Variants in CSMD2 observed in about 807,000 individuals in gnomAD.
CSMD2 encodes CUB and sushi domain-containing protein 2.
Under a neutral mutation model 398.5 loss-of-function variants are expected in CSMD2, and 130 were observed. The observed-to-expected ratio is 0.33, with a 90% CI of 0.28 to 0.38. The LOEUF (loss-of-function observed/expected upper bound fraction) is 0.38. CSMD2 is among the 10% of genes least tolerant of loss of function. The pLI, the probability that CSMD2 is intolerant of heterozygous loss-of-function variation, is 1.00. For synonymous variants in CSMD2, 1,828 were observed against 1,908.5 expected (o/e 0.96, Z 1.10); for missense variants, 3,829 against 4,764.9 (o/e 0.80, Z 5.78).
chr1:33,744,792 G>C (rs1647215819), intron 13 of CSMD2, among the ~76,000 whole-genome samples: 1 of 152,000 alleles, frequency 6.6e-6, no homozygotes, highest in Admixed American at 6.6e-5. Flanking sequence ...CATTTCAATA[G>C]AAAAAATAAA....
At chr1:34,129,005 C>A (rs1231341387) in intron 1 of CSMD2, among the ~76,000 whole-genome samples, 1 of 86,174 alleles carries the variant, frequency 1.2e-5, no homozygotes, top group Non-Finnish European at 2.5e-5. Context: ...ACATGTGTAC[C>A]CCCCCCCACA....
chr1:34,089,000 G>C lies in CSMD2; in HGVS notation c.381C>G (p.Pro127=). 6.2e-7 allele frequency: 1 copy of C among 1,613,806 alleles called. No individual in the cohort carries two copies. Among genetic ancestry groups the C allele is most frequent in the South Asian group, 1.1e-5 (1 of 91,070 alleles). The part of the protein sequence containing the change: ...FDVLSVFDGP[P]QPENLRTRLT... The stretch of plus-strand genomic sequence containing the variant: ...ACCTCGTACGCAGATTCTCTGGCTG[G>C]GGTGGACCATCAAACACCGACAGGA... Residue 127 remains proline (P), a synonymous_variant, in exon 2 of 71, where the codon CCC becomes CCG. Transcript: ENST00000373381.
intron 9 of CSMD2, among the ~76,000 whole-genome samples, chr1:33,815,748 T>C (rs1002853316): frequency 2.6e-5 from 4 of 152,248 alleles, no homozygotes; most frequent in Admixed American, 2.0e-4. Flanking sequence ...CAATGCTATA[T>C]ACAAGTATAC....
intron 4 of CSMD2, 35 bp from the exon 5 acceptor site, chr1:33,918,336 G>T: frequency 6.3e-7 from 1 of 1,595,860 alleles, no homozygotes; most frequent in Non-Finnish European, 8.6e-7. Context: ...TACATGAGTA[G>T]TCTGGTTTTC....
chr1:33,930,506 C>T (rs76010456), intron 4 of CSMD2, among the ~76,000 whole-genome samples: 2,283 of 152,302 alleles, frequency 0.015, 56 homozygotes, highest in African/African-American at 0.053. Flanking sequence ...TGGTGACAGC[C>T]TGCCGTGTTT....
chr1:34,089,177 G>A lies in CSMD2; in HGVS notation c.204C>T (p.Phe68=). The A allele has an allele frequency of 6.2e-7, 1 of 1,614,150 alleles. No homozygotes were observed. Among genetic ancestry groups the A allele is most frequent in the Non-Finnish European group, 8.5e-7 (1 of 1,180,002 alleles). ...VSAAAGQNCT[F]QLHGPNGTVE... Reference sequence around the variant, plus strand: ...CTGTCCCATTGGGACCGTGCAGTTGGAACGTGCAGTTCTGGCCTGGGAAAG... The same window carrying A: ...CTGTCCCATTGGGACCGTGCAGTTGAAACGTGCAGTTCTGGCCTGGGAAAG... The change falls in exon 2 of 71, where the codon TTC becomes TTT. Residue 68 remains phenylalanine (F), a synonymous_variant. Coordinates refer to ENST00000373381, the MANE Select transcript of CSMD2 (RefSeq NM_001281956.2).
chr1:34,044,891 T>G (rs984614220), intron 2 of CSMD2, among the ~76,000 whole-genome samples: 1 of 152,100 alleles, frequency 6.6e-6, no homozygotes, highest in Non-Finnish European at 1.5e-5. Context: ...GCTTGGCAAA[T>G]AGTGTTTTGA....
chr1:33,600,841 A>T, intron 44 of CSMD2, 24 bp downstream of exon 44: 1 of 1,613,110 alleles, frequency 6.2e-7, no homozygotes, highest in Non-Finnish European at 8.5e-7. Context: ...GGCCCTTCCC[A>T]CCAGGCCAGG....
At chr1:34,027,704 CTTCA>C (rs1363488134) in intron 3 of CSMD2, among the ~76,000 whole-genome samples, 1 of 152,208 alleles carries the variant, frequency 6.6e-6, no homozygotes, top group Non-Finnish European at 1.5e-5. Context: ...AAAACGTTGG[CTTCA>C]TTAACCAGAT....
At chr1:33,615,844 G>C (rs1641351354) in intron 39 of CSMD2, among the ~76,000 whole-genome samples, 1 of 152,224 alleles carries the variant, frequency 6.6e-6, no homozygotes, top group Non-Finnish European at 1.5e-5. Context: ...CATCGTGCTT[G>C]AGTGTCACTC....
At chr1:33,715,670 C>T (rs753985194) in intron 20 of CSMD2, among the ~76,000 whole-genome samples, 5 of 152,172 alleles carry the variant, frequency 3.3e-5, no homozygotes, top group Non-Finnish European at 4.4e-5. Flanking sequence ...CCATCTGATA[C>T]TCCTGGCCGT....
intron 14 of CSMD2, among the ~76,000 whole-genome samples, chr1:33,742,587 CCCCA>C (rs900326364): frequency 2.8e-5 from 4 of 141,326 alleles, no homozygotes; most frequent in African/African-American, 1.1e-4. Context: ...GCCCCCCCCC[CCCCA>C]ACCCCCTCTG....
intron 24 of CSMD2, among the ~76,000 whole-genome samples, chr1:33,695,450 G>A (rs1369896315): frequency 1.3e-5 from 2 of 152,122 alleles, no homozygotes; most frequent in African/African-American, 4.8e-5. Context: ...CAGGTGAAGA[G>A]GTCTACATTC....
At position 33,636,712 on chromosome 1, in the gene CSMD2, G is replaced by T. The variant is rs1192154442; in HGVS notation, c.4775-158C>A. Among the ~76,000 whole-genome samples the T allele has an allele frequency of 3.3e-5, 5 of 152,102 alleles. No individual in the cohort carries two copies. On this transcript the variant is annotated intron_variant, in intron 29 of 70. Coordinates refer to ENST00000373381, the MANE Select transcript of CSMD2 (RefSeq NM_001281956.2). This position sits in a 1 kb window ranked among gnomAD's most constrained non-coding sequence, Gnocchi z 4.8. ...TCCTATTCCCCTCAGGTCTAGAAACGTCTCTAAATTTGGGTAGAAATTGAA... is the reference window on the plus strand; with the variant it reads ...TCCTATTCCCCTCAGGTCTAGAAACTTCTCTAAATTTGGGTAGAAATTGAA...
At chr1:33,693,654 C>T (rs984123041) in intron 24 of CSMD2, among the ~76,000 whole-genome samples, 4 of 152,150 alleles carry the variant, frequency 2.6e-5, no homozygotes, top group African/African-American at 9.7e-5. Flanking sequence ...TTCATAGCAA[C>T]GTTATTCATA....
intron 50 of CSMD2, among the ~76,000 whole-genome samples, 154 bp downstream of exon 50, chr1:33,572,352 C>G (rs946255767): frequency 1.3e-5 from 2 of 151,756 alleles, no homozygotes; most frequent in African/African-American, 4.8e-5. Context: ...GTTTCAGCAC[C>G]TGCCTCCTCT....
chr1:33,993,090 C>T (rs1646614810), intron 3 of CSMD2, among the ~76,000 whole-genome samples: 1 of 152,064 alleles, frequency 6.6e-6, no homozygotes, highest in African/African-American at 2.4e-5. Flanking sequence ...GTATGTGTCT[C>T]TATATATGTA....
intron 3 of CSMD2, among the ~76,000 whole-genome samples, chr1:34,000,209 A>G (rs1646856692): frequency 6.6e-6 from 1 of 152,150 alleles, no homozygotes; most frequent in Admixed American, 6.5e-5. Context: ...AAGGACTTCA[A>G]TAAACTTTTT....
intron 2 of CSMD2, among the ~76,000 whole-genome samples, chr1:34,041,742 T>C (rs938647652): frequency 1.3e-5 from 2 of 152,140 alleles, no homozygotes; most frequent in African/African-American, 2.4e-5. Flanking sequence ...GGATAAGAAC[T>C]GTCTCCACAT....
Sources: gnomAD v4.1 joint callset for allele counts (sites outside exome capture counted in the v4.1 genomes callset) on GRCh38, gnomAD v4.1.1 for gene constraint, Gnocchi (gnomAD v3.1) non-coding constraint, MANE v1.5 for transcripts, NCBI Gene and HGNC (gene_info 2026-07-23, HGNC 2026-07-21) for gene names.